The following CAMTA1 variants were observed in gnomAD, a reference collection of about 807,000 sequenced individuals.
The protein encoded by CAMTA1 is calmodulin binding transcription activator 1.
CAMTA1 carries 27 observed loss-of-function variants against 170.9 expected under a neutral mutation model. The ratio of observed to expected loss-of-function variants is 0.16; its 90% CI spans 0.12 to 0.22. The LOEUF is 0.22. CAMTA1 is among the 10% of genes least tolerant of loss of function. CAMTA1 has a pLI of 1.00. For missense variants in CAMTA1, 1,619 were observed against 2,217.2 expected, an observed-to-expected ratio of 0.73 and a Z score of 5.42; for synonymous variants, 833 against 891.5, an observed-to-expected ratio of 0.93 and a Z score of 1.17.
chr1:6,818,838 G>A (rs957516351), intron 1 of CAMTA1, among the ~76,000 whole-genome samples: 4 of 150,766 alleles, frequency 2.7e-5, no homozygotes, highest in African/African-American at 4.9e-5. Flanking sequence ...GTGAGGTTTT[G>A]CCATGTTATC....
chr1:7,701,244 C>G (rs1450839897), intron 11 of CAMTA1, among the ~76,000 whole-genome samples: 1 of 152,162 alleles, frequency 6.6e-6, no homozygotes, highest in African/African-American at 2.4e-5. Context: ...GAATATCCTG[C>G]TTGCAGGAGA....
intron 5 of CAMTA1, among the ~76,000 whole-genome samples, chr1:7,362,025 C>A (rs909558211): frequency 1.3e-5 from 2 of 152,172 alleles, no homozygotes; most frequent in Admixed American, 6.5e-5. Flanking sequence ...GAAAACCAAC[C>A]CTGAAAATTT....
intron 3 of CAMTA1, among the ~76,000 whole-genome samples, chr1:7,087,031 G>A (rs991195589): frequency 6.6e-6 from 1 of 152,218 alleles, no homozygotes; most frequent in Middle Eastern, 3.2e-3. Context: ...GTCCTGGCCT[G>A]GCTCCGCCAT....
chr1:7,624,764 G>A (rs2095621951), intron 6 of CAMTA1, among the ~76,000 whole-genome samples: 2 of 152,242 alleles, frequency 1.3e-5, no homozygotes, highest in African/African-American at 2.4e-5. Flanking sequence ...CTGGGGTCCA[G>A]AGAGGGAATG....
At chr1:6,995,837 A>G (rs947051170) in intron 3 of CAMTA1, among the ~76,000 whole-genome samples, 1 of 152,136 alleles carries the variant, frequency 6.6e-6, no homozygotes, top group Admixed American at 6.5e-5. Context: ...TTCTGTGAGA[A>G]GGGCAAGGCC....
chr1:7,419,819 C>T (rs1354374449), intron 5 of CAMTA1, among the ~76,000 whole-genome samples: 1 of 152,124 alleles, frequency 6.6e-6, no homozygotes, highest in Non-Finnish European at 1.5e-5. Context: ...CAGCATCATC[C>T]ATGGCCCACC....
intron 5 of CAMTA1, among the ~76,000 whole-genome samples, chr1:7,305,321 C>G (rs1189962825): frequency 6.6e-6 from 1 of 151,722 alleles, no homozygotes; most frequent in Non-Finnish European, 1.5e-5. Context: ...TCAGAATGTT[C>G]TTGGCTACTT....
chr1:7,612,210 A>G lies in CAMTA1; in HGVS notation c.511-28190A>G, dbSNP rs114611992. On this transcript the variant is annotated intron_variant, in intron 6 of 22. Coordinates refer to ENST00000303635, the MANE Select transcript of CAMTA1 (RefSeq NM_015215.4). ...GGTCACACGGACTTGAAGGATGGTG[A>G]ATGTGGGGATTTGATTGAGTGGTGG... 9.7e-3 allele frequency among the ~76,000 whole-genome samples: 1,484 copies of G among 152,212 alleles called. 15 individuals carry two copies. Among genetic ancestry groups the G allele is most frequent in the Non-Finnish European group, 0.017 (1,172 of 68,010 alleles).
At chr1:7,657,538 G>C (rs370644604) in intron 7 of CAMTA1, among the ~76,000 whole-genome samples, 1 of 152,176 alleles carries the variant, frequency 6.6e-6, no homozygotes, top group Non-Finnish European at 1.5e-5. Flanking sequence ...CTTTTAACGC[G>C]GTTTCCCTTT....
At chr1:7,603,445 T>G (rs1188326745) in intron 6 of CAMTA1, among the ~76,000 whole-genome samples, 1 of 152,210 alleles carries the variant, frequency 6.6e-6, no homozygotes, top group Non-Finnish European at 1.5e-5. Flanking sequence ...AATGGTCTTC[T>G]TTGTCTCTTT....
At chr1:6,867,580 G>A (rs1004730624) in intron 3 of CAMTA1, among the ~76,000 whole-genome samples, 13 of 152,074 alleles carry the variant, frequency 8.5e-5, no homozygotes, top group African/African-American at 2.9e-4. Flanking sequence ...CAAAGGCTGC[G>A]CTTTTCTTTG....
At chr1:7,240,849 A>G (rs960855846) in intron 4 of CAMTA1, among the ~76,000 whole-genome samples, 1 of 152,188 alleles carries the variant, frequency 6.6e-6, no homozygotes, top group African/African-American at 2.4e-5. Flanking sequence ...TACAGCTAAC[A>G]TCATACTTAA....
intron 6 of CAMTA1, among the ~76,000 whole-genome samples, chr1:7,522,913 C>CTGGA (rs2094384813): frequency 6.6e-6 from 1 of 152,246 alleles, no homozygotes; most frequent in Non-Finnish European, 1.5e-5. Context: ...GTTGCCCAGG[C>CTGGA]TGGAGTGCAG....
At chr1:7,478,901 C>T (rs763177028) in intron 6 of CAMTA1, among the ~76,000 whole-genome samples, 1 of 152,218 alleles carries the variant, frequency 6.6e-6, no homozygotes, top group Non-Finnish European at 1.5e-5. Flanking sequence ...AAAGGGGAGA[C>T]TGTAGTTTCC....
At chr1:6,897,722 A>C (rs1675957497) in intron 3 of CAMTA1, among the ~76,000 whole-genome samples, 1 of 152,206 alleles carries the variant, frequency 6.6e-6, no homozygotes, top group African/African-American at 2.4e-5. Flanking sequence ...TTGTTTGAAA[A>C]TGAAACAGAG....
At chr1:6,884,335 C>CACA (rs776481131) in intron 3 of CAMTA1, among the ~76,000 whole-genome samples, 2 of 143,924 alleles carry the variant, frequency 1.4e-5, no homozygotes, top group Non-Finnish European at 3.0e-5. Context: ...CACACACACA[C>CACA]AATTTTGTTT....
At chr1:7,671,059 C>A (rs776886903) in intron 10 of CAMTA1, 22 bp downstream of exon 10, 3 of 1,611,276 alleles carry the variant, frequency 1.9e-6, no homozygotes, top group South Asian at 2.2e-5. Flanking sequence ...GCCCCCCAGG[C>A]CCCCAAGGTG....
intron 4 of CAMTA1, among the ~76,000 whole-genome samples, chr1:7,207,717 T>G (rs1045021624): frequency 1.3e-5 from 2 of 152,180 alleles, no homozygotes; most frequent in African/African-American, 4.8e-5. Context: ...GGCTCTGTGC[T>G]TCTCCATATG....
intron 4 of CAMTA1, among the ~76,000 whole-genome samples, chr1:7,137,339 G>A (rs143044837): frequency 6.7e-4 from 102 of 152,200 alleles, no homozygotes; most frequent in African/African-American, 2.1e-3. Context: ...TCACCGAATC[G>A]CTGAAAGACC....
Sources: allele counts gnomAD v4.1 joint callset (sites outside exome capture counted in the v4.1 genomes callset), GRCh38; gene constraint gnomAD v4.1.1; transcripts MANE v1.5; gene names NCBI Gene and HGNC (gene_info 2026-07-23, HGNC 2026-07-21).